The following COL17A1 variants were observed in gnomAD, a reference collection of about 807,000 sequenced individuals.
COL17A1 encodes the protein collagen type XVII alpha 1 chain, also known as collagen alpha-1(XVII) chain.
In COL17A1, 181 loss-of-function variants were observed where a neutral mutation model predicts 218.4. The observed-to-expected ratio is 0.83, with a 90% CI of 0.73 to 0.94. The LOEUF (loss-of-function observed/expected upper bound fraction) is 0.94. Ranked by LOEUF, COL17A1 falls within the 40% of genes least tolerant of loss-of-function variation. The pLI is 0.00. For missense variants in COL17A1, 1,924 were observed against 1,945.9 expected (o/e 0.99, Z 0.21); for synonymous variants, 721 against 731.0 (o/e 0.99, Z 0.22).
chr10:104,073,068 C>A, intron 7 of COL17A1, 142 bp downstream of exon 7: 1 of 799,010 alleles, frequency 1.3e-6, no homozygotes. Context: ...TCCCAGGATA[C>A]TCTAAGCTCC....
chr10:104,047,137 G>C (rs2134597893), intron 31 of COL17A1, among the ~76,000 whole-genome samples: 1 of 152,294 alleles, frequency 6.6e-6, no homozygotes, highest in African/African-American at 2.4e-5. Context: ...CGCCAAAGGA[G>C]GCTGAGGAGG....
intron 39 of COL17A1, 44 bp downstream of exon 39, chr10:104,041,021 G>C (rs1165876557): frequency 6.2e-7 from 1 of 1,610,264 alleles, no homozygotes; most frequent in Non-Finnish European, 8.5e-7. Context: ...GGCAGGACAA[G>C]GGCTGAGGTG....
chr10:104,051,045 C>T (rs914513845), intron 25 of COL17A1, 144 bp from the exon 26 acceptor site: 11 of 1,440,864 alleles, frequency 7.6e-6, no homozygotes, highest in Admixed American at 2.0e-5. Context: ...CCATGGACTC[C>T]TTCCCAAGTC....
intron 23 of COL17A1, 141 bp from the exon 24 acceptor site, chr10:104,052,358 T>C (rs2086478158): frequency 1.0e-6 from 1 of 1,004,158 alleles, no homozygotes; most frequent in South Asian, 1.3e-5. Context: ...AGGCCACTTA[T>C]CAGCAAAACT....
In COL17A1 at chr10:104,063,608, G is replaced by A. The variant is rs891278194; in HGVS notation, c.838+139C>T. 46 of 1,347,426 alleles carry A rather than the reference G, an allele frequency of 3.4e-5. No homozygotes were observed. In the South Asian group the frequency reaches 5.4e-4, roughly 16 times the overall value. 83.5% of individuals were successfully genotyped at this position (1,347,426 alleles called of 1,614,324 possible). On this transcript the variant is annotated intron_variant, in intron 11 of 55. Coordinates refer to ENST00000648076, the MANE Select transcript of COL17A1 (RefSeq NM_000494.4). ...GTCTGAGTTCTCCCTGTGGTTGAAG[G>A]CAGGTTCTGTGCAACCCTGTGCCTC...
At chr10:104,081,605 C>T (rs144064748) in intron 1 of COL17A1, among the ~76,000 whole-genome samples, 345 of 152,316 alleles carry the variant, frequency 2.3e-3, no homozygotes, top group African/African-American at 7.8e-3. Context: ...ATCTGACTTA[C>T]CCTGTGGTTC....
intron 12 of COL17A1, among the ~76,000 whole-genome samples, chr10:104,061,690 C>T (rs2086584259): frequency 6.6e-6 from 1 of 152,130 alleles, no homozygotes; most frequent in Non-Finnish European, 1.5e-5. Flanking sequence ...GGAAGTCCTC[C>T]TAGACCCCCA....
chr10:104,036,003 TGTGA>T (rs1249700426), intron 48 of COL17A1, among the ~76,000 whole-genome samples: 20 of 141,240 alleles, frequency 1.4e-4, no homozygotes, highest in East Asian at 4.4e-4. Context: ...TGTATGCATA[TGTGA>T]GTGTGTATGG....
chr10:104,050,992 A>G, intron 25 of COL17A1, 91 bp from the exon 26 acceptor site: 1 of 1,579,368 alleles, frequency 6.3e-7, no homozygotes, highest in Non-Finnish European at 8.6e-7. Flanking sequence ...ACATACAGGC[A>G]CACATATGCA....
chr10:104,062,231 C>T, intron 12 of COL17A1, 27 bp downstream of exon 12: 1 of 1,614,178 alleles, frequency 6.2e-7, no homozygotes. Flanking sequence ...CTTTCCAGCG[C>T]CTAAGCTCCA....
At chr10:104,063,554 G>C (rs372847678) in intron 11 of COL17A1, 193 bp downstream of exon 11, 19 of 829,618 alleles carry the variant, frequency 2.3e-5, no homozygotes, top group South Asian at 1.8e-4. Flanking sequence ...GTGGGCTCAC[G>C]TCCCCTCGCC....
At chr10:104,068,046 A>G (rs1462525637) in intron 9 of COL17A1, among the ~76,000 whole-genome samples, 1 of 152,144 alleles carries the variant, frequency 6.6e-6, no homozygotes, top group Non-Finnish European at 1.5e-5. Context: ...AGTGGCTGCC[A>G]TGGCCCTGCT....
In COL17A1 at chr10:104,063,719, A is replaced by C. The variant is rs755349391; in HGVS notation, c.838+28T>G. 95 of 1,613,922 alleles carry C rather than the reference A, an allele frequency of 5.9e-5. 1 individual carries two copies. The South Asian group carries it at 1.0e-3, about 17-fold the overall frequency. ...AACACTTCTATGCAAATAGCCTGGA[A>C]AAGTCATCTCAAGATGGTGACACTG... On this transcript the variant is annotated intron_variant, in intron 11 of 55. Transcript: ENST00000648076.
At chr10:104,073,366 G>A (rs2086684047) in intron 6 of COL17A1, 121 bp from the exon 7 acceptor site, 1 of 852,968 alleles carries the variant, frequency 1.2e-6, no homozygotes, top group Non-Finnish European at 2.0e-6. Flanking sequence ...AATCCAGATA[G>A]GGGCTTTTCT....
At chr10:104,080,568 T>G in intron 2 of COL17A1, 54 bp downstream of exon 2, 3 of 1,587,936 alleles carry the variant, frequency 1.9e-6, no homozygotes, top group South Asian at 2.2e-5. Context: ...TGTTTCCAAA[T>G]TTTTATTACT....
intron 12 of COL17A1, 125 bp downstream of exon 12, chr10:104,062,133 G>A (rs528414873): frequency 7.1e-7 from 1 of 1,418,228 alleles, no homozygotes; most frequent in South Asian, 1.2e-5. Context: ...TATCTTGAGT[G>A]TTGTGTCTTT....
At chr10:104,032,996 A>G in intron 53 of COL17A1, 28 bp from the exon 54 acceptor site, 2 of 1,609,804 alleles carry the variant, frequency 1.2e-6, no homozygotes, top group Non-Finnish European at 1.7e-6. Context: ...CACTGGCCTT[A>G]GAGTCTTGAT....
chr10:104,039,636 C>A lies in COL17A1; in HGVS notation c.2793G>T (p.Glu931Asp), dbSNP rs2086338043. 1 of 1,614,022 alleles carries A rather than the reference C, an allele frequency of 6.2e-7. No homozygotes were observed. Among genetic ancestry groups the A allele is most frequent in the Admixed American group, 1.7e-5 (1 of 59,992 alleles). Residue 931 changes from glutamate (E) to aspartate (D), a missense_variant, in exon 42 of 56, where the codon GAG becomes GAT. Coordinates refer to ENST00000648076, the MANE Select transcript of COL17A1 (RefSeq NM_000494.4). ...AGGTTGAGAAACCTGGGAGGCCTTG[C>A]TCGCCTGAGGAACACACCAAGGGAG... ...GPPGPRGHQG[E>D]QGLPGFSTSG...
chr10:104,034,844 C>T (rs1445764444), intron 50 of COL17A1, 77 bp from the exon 51 acceptor site: 5 of 1,563,760 alleles, frequency 3.2e-6, no homozygotes, highest in Non-Finnish European at 1.7e-6. Flanking sequence ...GCTCGGGGCG[C>T]TGTGGGCCCC....
Sources: gnomAD v4.1 joint callset for allele counts (sites outside exome capture counted in the v4.1 genomes callset) on GRCh38, gnomAD v4.1.1 for gene constraint, MANE v1.5 for transcripts, NCBI Gene and HGNC (gene_info 2026-07-23, HGNC 2026-07-21) for gene names.